Variants in KCND2 observed in about 807,000 individuals in gnomAD.
KCND2 encodes A-type voltage-gated potassium channel KCND2.
A neutral mutation model predicts 54.4 loss-of-function variants in KCND2; 16 were observed. The observed-to-expected ratio is 0.29, with a 90% CI of 0.20 to 0.45. KCND2 has a LOEUF of 0.45. Among genes scored for constraint, KCND2 ranks in the 20% least tolerant of loss-of-function variants. The pLI is 1.00. For missense variants in KCND2, 486 were observed against 824.2 expected (o/e 0.59, Z 5.02); for synonymous variants, 317 against 310.7 (o/e 1.02, Z -0.21).
rs373595987 is a variant in KCND2 at position 120,713,426 on chromosome 7, G to A, written c.1116-19477G>A. Among the ~76,000 whole-genome samples, 14 of 152,154 alleles carry A rather than the reference G, an allele frequency of 9.2e-5. 1 individual carries two copies. Among genetic ancestry groups the A allele is most frequent in the South Asian group, 2.1e-4 (1 of 4,836 alleles). The stretch of plus-strand genomic sequence containing the variant: ...TGTCACATGGCTAGCAGGAGACAGA[G>A]CTGAACTTGACCACAGGTCTTCTGA... On this transcript the variant is annotated intron_variant, in intron 1 of 5. Coordinates refer to ENST00000331113, the MANE Select transcript of KCND2 (RefSeq NM_012281.3).
chr7:120,443,071 T>C (rs1801965799), intron 1 of KCND2, among the ~76,000 whole-genome samples: 1 of 152,032 alleles, frequency 6.6e-6, no homozygotes, highest in Non-Finnish European at 1.5e-5. Context: ...CTTCTAGTCA[T>C]GAACAACCTA....
intron 1 of KCND2, among the ~76,000 whole-genome samples, chr7:120,633,424 A>C (rs567805448): frequency 6.6e-6 from 1 of 152,348 alleles, no homozygotes; most frequent in South Asian, 2.1e-4. Context: ...AACCAACTGT[A>C]AGGCCAGCAT....
chr7:120,468,036 T>C (rs950917774), intron 1 of KCND2, among the ~76,000 whole-genome samples: 13 of 152,154 alleles, frequency 8.5e-5, no homozygotes, highest in African/African-American at 3.1e-4. Flanking sequence ...TATACAAAGT[T>C]ACATTCATGA....
chr7:120,462,231 A>G (rs1256712814), intron 1 of KCND2, among the ~76,000 whole-genome samples: 1 of 151,480 alleles, frequency 6.6e-6, no homozygotes, highest in Non-Finnish European at 1.5e-5. Flanking sequence ...TTTGGTATGC[A>G]ATGGTCTAAA....
intron 1 of KCND2, among the ~76,000 whole-genome samples, chr7:120,458,867 T>C (rs889027405): frequency 1.3e-5 from 2 of 150,398 alleles, no homozygotes; most frequent in Non-Finnish European, 3.0e-5. Flanking sequence ...TTATTAGCAT[T>C]ATTATTATTA....
At chr7:120,416,249 G>A (rs529320843) in intron 1 of KCND2, among the ~76,000 whole-genome samples, 1 of 152,178 alleles carries the variant, frequency 6.6e-6, no homozygotes, top group South Asian at 2.1e-4. Flanking sequence ...TCGTTCTCCA[G>A]CTACATTGGC....
chr7:120,443,852 G>T (rs994688435), intron 1 of KCND2, among the ~76,000 whole-genome samples: 1 of 151,878 alleles, frequency 6.6e-6, no homozygotes, highest in African/African-American at 2.4e-5. Flanking sequence ...AGCCTTCTTG[G>T]CTTCAGTGCA....
intron 1 of KCND2, among the ~76,000 whole-genome samples, chr7:120,682,375 C>G (rs1398444741): frequency 6.6e-6 from 1 of 151,986 alleles, no homozygotes; most frequent in Non-Finnish European, 1.5e-5. Flanking sequence ...GTAATGGTCA[C>G]ATTTCCTAAC....
At chr7:120,382,994 C>A (rs1027895656) in intron 1 of KCND2, among the ~76,000 whole-genome samples, 1 of 151,946 alleles carries the variant, frequency 6.6e-6, no homozygotes, top group Non-Finnish European at 1.5e-5. Flanking sequence ...AATGACATTA[C>A]CTTTCCTGTC....
intron 1 of KCND2, among the ~76,000 whole-genome samples, chr7:120,279,686 T>C (rs1196821935): frequency 6.6e-6 from 1 of 151,990 alleles, no homozygotes; most frequent in Non-Finnish European, 1.5e-5. Context: ...GGTGAATTAC[T>C]ATTTTAAGGA....
chr7:120,407,014 C>T (rs755008799), intron 1 of KCND2, among the ~76,000 whole-genome samples: 1 of 151,522 alleles, frequency 6.6e-6, no homozygotes, highest in Non-Finnish European at 1.5e-5. Context: ...GCAGTAAGGG[C>T]GTGAGTGAGA....
chr7:120,692,155 G>A (rs1389122114), intron 1 of KCND2, among the ~76,000 whole-genome samples: 2 of 152,176 alleles, frequency 1.3e-5, no homozygotes, highest in Non-Finnish European at 2.9e-5. Flanking sequence ...GACAAATGAG[G>A]AGGTAGCTGA....
chr7:120,589,263 A>C (rs1792640469), intron 1 of KCND2, among the ~76,000 whole-genome samples: 1 of 152,236 alleles, frequency 6.6e-6, no homozygotes, highest in African/African-American at 2.4e-5. Context: ...TGACAGATTC[A>C]CCATGTCAAA....
chr7:120,364,243 T>A (rs997238548), intron 1 of KCND2, among the ~76,000 whole-genome samples: 2 of 152,190 alleles, frequency 1.3e-5, no homozygotes, highest in East Asian at 3.9e-4. Flanking sequence ...TAGGGCCAAG[T>A]TCTCTGGGGG....
intron 1 of KCND2, among the ~76,000 whole-genome samples, chr7:120,518,778 A>G (rs1250470764): frequency 6.6e-6 from 1 of 152,152 alleles, no homozygotes; most frequent in East Asian, 1.9e-4. Context: ...TAATACCCGG[A>G]ACTTGTGGTT....
intron 1 of KCND2, among the ~76,000 whole-genome samples, chr7:120,367,538 A>G (rs943808078): frequency 2.0e-5 from 3 of 151,604 alleles, no homozygotes; most frequent in Admixed American, 6.6e-5. Context: ...GAGTGCCTCT[A>G]TGGGAAATTT....
intron 1 of KCND2, among the ~76,000 whole-genome samples, chr7:120,649,774 T>C (rs1038286665): frequency 3.9e-5 from 6 of 152,204 alleles, no homozygotes; most frequent in African/African-American, 1.2e-4. Flanking sequence ...TTTCCATGTT[T>C]AGTGCTTCCT....
At position 120,344,845 on chromosome 7, in the gene KCND2, T is replaced by C. The variant is rs1800291484; in HGVS notation, c.1115+69098T>C. Among the ~76,000 whole-genome samples the C allele has an allele frequency of 3.3e-5, 5 of 152,198 alleles. No individual in the cohort carries two copies. The South Asian group carries it at 1.0e-3, about 31-fold the overall frequency. ...ATCCCATAAATAAATACTGAACTTC[T>C]ATTTCTTGCCTAGTTCTCTACTGAG... On this transcript the variant is annotated intron_variant, in intron 1 of 5. Coordinates refer to ENST00000331113, the MANE Select transcript of KCND2 (RefSeq NM_012281.3).
chr7:120,304,097 A>G (rs1212472074), intron 1 of KCND2, among the ~76,000 whole-genome samples: 1 of 152,152 alleles, frequency 6.6e-6, no homozygotes, highest in Non-Finnish European at 1.5e-5. Context: ...GCCTGTTAGT[A>G]TGGTAGGATA....
Sources: allele counts gnomAD v4.1 joint callset (sites outside exome capture counted in the v4.1 genomes callset), GRCh38; gene constraint gnomAD v4.1.1; transcripts MANE v1.5; gene names NCBI Gene and HGNC (gene_info 2026-07-23, HGNC 2026-07-21).